PDZD8: variants seen among roughly 807,000 people sequenced by gnomAD.
PDZD8 encodes PDZ domain-containing protein 8.
Under a neutral mutation model 85.8 loss-of-function variants are expected in PDZD8, and 14 were observed. That is an observed-to-expected ratio of 0.16 (90% CI 0.11 to 0.26). The LOEUF (loss-of-function observed/expected upper bound fraction) is 0.26, where lower values mean the gene tolerates loss of function less well. Ranked by LOEUF, PDZD8 falls within the 10% of genes least tolerant of loss-of-function variation. PDZD8 has a pLI of 1.00. For missense variants in PDZD8, 1,197 were observed against 1,424.3 expected (o/e 0.84, Z 2.57); for synonymous variants, 592 against 568.6 (o/e 1.04, Z -0.59).
rs115691598 is a variant in PDZD8, at chr10:117,374,604, C to G, written c.624G>C (p.Val208=). ...AGGCGGACTTGCCGAAGACCAGGTC[C>G]ACGTCGATGGCCAGGTGGAAGCCCC... ...YNGGFHLAID[V]DLVFGKSAYL... Residue 208 remains valine, a synonymous_variant, in exon 1 of 5, where the codon GTG becomes GTC. Coordinates refer to ENST00000334464, the MANE Select transcript of PDZD8 (RefSeq NM_173791.5). The surrounding 1 kb of genome is among the most constrained non-coding windows in gnomAD (Gnocchi z 7.8). 6.3e-7 allele frequency: 1 copy of G among 1,589,234 alleles called. No individual in the cohort carries two copies. The highest frequency in any genetic ancestry group is 8.6e-7 in the Non-Finnish European group (1 of 1,167,418).
At chr10:117,350,212 A>C (rs1844779792) in intron 1 of PDZD8, among the ~76,000 whole-genome samples, 1 of 152,012 alleles carries the variant, frequency 6.6e-6, no homozygotes, top group African/African-American at 2.4e-5. Context: ...TGGTAGAACC[A>C]AAATAAGAAT....
intron 3 of PDZD8, among the ~76,000 whole-genome samples, chr10:117,304,806 T>C (rs1843907119): frequency 6.6e-6 from 1 of 152,202 alleles, no homozygotes; most frequent in Non-Finnish European, 1.5e-5. Flanking sequence ...CTTGAGATGA[T>C]TCTGAGGCCT....
chr10:117,340,834 C>T (rs1844599010), intron 2 of PDZD8, 146 bp downstream of exon 2: 16 of 934,644 alleles, frequency 1.7e-5, no homozygotes, highest in Non-Finnish European at 2.4e-5. Flanking sequence ...TTAGAAAGGA[C>T]TACTTTTATG....
At chr10:117,354,822 G>A (rs1844865597) in intron 1 of PDZD8, among the ~76,000 whole-genome samples, 1 of 152,090 alleles carries the variant, frequency 6.6e-6, no homozygotes, top group African/African-American at 2.4e-5. Context: ...ATATAAACTA[G>A]ATAACTCAGT....
At chr10:117,365,278 T>C (rs1259128828) in intron 1 of PDZD8, among the ~76,000 whole-genome samples, 6 of 152,174 alleles carry the variant, frequency 3.9e-5, no homozygotes, top group Non-Finnish European at 8.8e-5. Flanking sequence ...AATGTAATTA[T>C]AAGCATCTGT....
At chr10:117,318,404 C>T (rs188534259) in intron 3 of PDZD8, among the ~76,000 whole-genome samples, 2 of 152,262 alleles carry the variant, frequency 1.3e-5, no homozygotes, top group African/African-American at 4.8e-5. Flanking sequence ...CACCTCCTCC[C>T]TCTTCTAATC....
intron 1 of PDZD8, among the ~76,000 whole-genome samples, chr10:117,373,631 T>G (rs956738294): frequency 1.2e-5 from 1 of 84,570 alleles, no homozygotes; most frequent in African/African-American, 5.0e-5. Context: ...AAAAAAAAAA[T>G]CAGCAAGGCG....
intron 1 of PDZD8, among the ~76,000 whole-genome samples, chr10:117,373,923 C>T (rs1440022354): frequency 1.3e-5 from 2 of 152,194 alleles, no homozygotes; most frequent in East Asian, 1.9e-4. Flanking sequence ...ACTCTTCACG[C>T]GTGTACTGTG....
chr10:117,288,359 T>C (rs1480569170), intron 4 of PDZD8, among the ~76,000 whole-genome samples: 1 of 61,890 alleles, frequency 1.6e-5, no homozygotes, highest in Non-Finnish European at 5.0e-5. Context: ...TAAACAAAAA[T>C]TGGGAAAGGC....
At chr10:117,307,155 G>A (rs1443006859) in intron 3 of PDZD8, among the ~76,000 whole-genome samples, 2 of 152,008 alleles carry the variant, frequency 1.3e-5, no homozygotes, top group African/African-American at 4.8e-5. Context: ...GTATGTGTAT[G>A]TTTATAAAGT....
At chr10:117,296,842 A>T (rs117919348) in intron 3 of PDZD8, among the ~76,000 whole-genome samples, 3,735 of 152,220 alleles carry the variant, frequency 0.025, 72 homozygotes, top group South Asian at 0.039. Flanking sequence ...TTATAGATGA[A>T]AATACAGGAG....
At chr10:117,295,767 CA>C (rs1290646352) in intron 3 of PDZD8, among the ~76,000 whole-genome samples, 1 of 151,944 alleles carries the variant, frequency 6.6e-6, no homozygotes, top group Non-Finnish European at 1.5e-5. Context: ...TTCAATACTG[CA>C]AAAAAATTAA....
In PDZD8 at chr10:117,284,202, T is replaced by C. The variant is rs969542299; in HGVS notation, c.2531A>G (p.Gln844Arg). Residue 844 changes from glutamine to arginine, a missense_variant, in exon 5 of 5, where the codon CAG becomes CGG. Gln to Arg is a conservative substitution (Grantham distance 43). Around this residue, in one of 4 missense-constraint regions of PDZD8, gnomAD observed 418 missense variants for 571.1 expected, o/e 0.73. Coordinates refer to ENST00000334464, the MANE Select transcript of PDZD8 (RefSeq NM_173791.5). ...MGLTENKHSF[Q>R]DTQFQNPTWC... is the part of the protein sequence containing the mutation. ...TGTTGGGTTCTGGAACTGAGTATCC[T>C]GAAAACTGTGTTTGTTTTCTGTTAA... The C allele has an allele frequency of 6.2e-7, 1 of 1,614,212 alleles. No individual in the cohort carries two copies. The highest frequency in any genetic ancestry group is 8.5e-7 in the Non-Finnish European group (1 of 1,180,026).
At position 117,374,736 on chromosome 10, in the gene PDZD8, C is replaced by T; in HGVS notation, c.492G>A (p.Arg164=). Residue 164 remains arginine (R), a synonymous_variant, in exon 1 of 5, where the codon CGG becomes CGA. Transcript: ENST00000334464. This position sits in a 1 kb window ranked among gnomAD's most constrained non-coding sequence, Gnocchi z 7.8. ...CCCCGGTGGCCGAGGGCACGACTGG[C>T]CGCACGAGCCGGATGGTCTTGATGA... is the stretch of plus-strand genomic sequence containing the variant. ...VPFIKTIRLV[R]PVVPSATGEP... 6.2e-7 allele frequency: 1 copy of T among 1,611,250 alleles called. No individual in the cohort carries two copies. The highest frequency in any genetic ancestry group is 8.5e-7 in the Non-Finnish European group (1 of 1,179,302).
At chr10:117,364,334 A>C (rs1845050823) in intron 1 of PDZD8, among the ~76,000 whole-genome samples, 1 of 152,142 alleles carries the variant, frequency 6.6e-6, no homozygotes, top group South Asian at 2.1e-4. Context: ...TTAACCATAA[A>C]AAATGTTAAA....
At chr10:117,329,961 G>C (rs1379664189) in intron 2 of PDZD8, among the ~76,000 whole-genome samples, 6 of 120,474 alleles carry the variant, frequency 5.0e-5, no homozygotes, top group Non-Finnish European at 7.0e-5. Context: ...AGGAAGGAGG[G>C]AGGAAGGGAA....
intron 2 of PDZD8, among the ~76,000 whole-genome samples, chr10:117,328,571 C>A (rs1209280062): frequency 6.6e-6 from 1 of 152,074 alleles, no homozygotes; most frequent in Non-Finnish European, 1.5e-5. Flanking sequence ...GCCACCATGC[C>A]CAGCTAATTT....
At chr10:117,290,864 CTTTTTTTTTTTT>C (rs145614241) in intron 3 of PDZD8, among the ~76,000 whole-genome samples, 65,407 of 124,310 alleles carry the variant, frequency 0.53, 15,841 homozygotes, top group East Asian at 0.62. Flanking sequence ...ATGGTGTATC[CTTTTTTTTTTTT>C]TTTTTTTTTT....
intron 3 of PDZD8, among the ~76,000 whole-genome samples, chr10:117,306,857 T>A (rs1232201669): frequency 1.3e-5 from 2 of 152,148 alleles, no homozygotes; most frequent in African/African-American, 4.8e-5. Flanking sequence ...AAGTTATACA[T>A]ATGATGTCAT....
Sources: gnomAD v4.1 joint callset for allele counts (sites outside exome capture counted in the v4.1 genomes callset) on GRCh38, gnomAD v4.1.1 for gene constraint, gnomAD v4.1.1 regional missense constraint, Gnocchi (gnomAD v3.1) non-coding constraint, MANE v1.5 for transcripts, NCBI Gene and HGNC (gene_info 2026-07-23, HGNC 2026-07-21) for gene names.